Variants in RGS6 observed in about 807,000 individuals in gnomAD.
RGS6 encodes regulator of G protein signaling 6, also known as regulator of G-protein signaling 6.
RGS6 carries 30 observed loss-of-function variants against 78.5 expected under a neutral mutation model. The observed-to-expected ratio is 0.38, with a 90% CI of 0.29 to 0.52. RGS6 has a LOEUF of 0.52. RGS6 is among the 20% of genes least tolerant of loss of function. The pLI, the probability that RGS6 is intolerant of heterozygous loss-of-function variation, is 0.85. For synonymous variants in RGS6, 206 were observed against 206.0 expected, an observed-to-expected ratio of 1.00 and a Z score of 0.00; for missense variants, 495 against 609.7, an observed-to-expected ratio of 0.81 and a Z score of 1.98.
chr14:72,124,002 G>A (rs2190630), intron 2 of RGS6, among the ~76,000 whole-genome samples: 56,981 of 151,996 alleles, frequency 0.37, 11,597 homozygotes, highest in Non-Finnish European at 0.45. Context: ...CAGAGTATTC[G>A]AAGTCACAGT....
At chr14:72,384,290 A>T (rs1389226848) in intron 3 of RGS6, among the ~76,000 whole-genome samples, 1 of 152,182 alleles carries the variant, frequency 6.6e-6, no homozygotes. Flanking sequence ...TGCATTTGAA[A>T]ATTGTTAAAG....
At chr14:72,452,228 C>CTCTCTA (rs1326468186) in intron 3 of RGS6, among the ~76,000 whole-genome samples, 8 of 122,588 alleles carry the variant, frequency 6.5e-5, no homozygotes, top group Non-Finnish European at 1.5e-5. Context: ...TATTCATTCT[C>CTCTCTA]TCTCTCTCTC....
intron 2 of RGS6, among the ~76,000 whole-genome samples, chr14:72,232,823 G>A (rs1485083038): frequency 6.6e-6 from 1 of 152,238 alleles, no homozygotes; most frequent in African/African-American, 2.4e-5. Flanking sequence ...AGAGGGAACA[G>A]GTGCTGGGAT....
At chr14:72,217,327 C>T (rs1256843632) in intron 2 of RGS6, among the ~76,000 whole-genome samples, 2 of 152,202 alleles carry the variant, frequency 1.3e-5, no homozygotes, top group Admixed American at 6.5e-5. Flanking sequence ...ATTACAACCT[C>T]ATCAGTTGCA....
chr14:72,307,447 C>A (rs1227606925), intron 2 of RGS6, among the ~76,000 whole-genome samples: 3 of 151,950 alleles, frequency 2.0e-5, no homozygotes, highest in East Asian at 1.9e-4. Context: ...ATATTTGATT[C>A]ATCTGGAATC....
intron 13 of RGS6, among the ~76,000 whole-genome samples, chr14:72,500,427 G>T (rs1332050312): frequency 2.0e-5 from 3 of 152,304 alleles, no homozygotes; most frequent in African/African-American, 4.8e-5. Flanking sequence ...GCCAAGGGAT[G>T]GTTTCTGTCC....
At position 72,352,131 on chromosome 14, in the gene RGS6, A is replaced by G; in HGVS notation, c.121A>G (p.Thr41Ala). ...CATTACAAAGATGCAAGATGACAAG[A>G]CAGGGGGTGTGCCCATCAGAACAGT... is the stretch of plus-strand genomic sequence containing the variant. ...DIITKMQDDK[T>A]GGVPIRTVKS... is the part of the protein sequence containing the mutation. The change falls in exon 3 of 18, where the codon ACA (threonine) becomes GCA (alanine). Residue 41 changes from threonine (T) to alanine (A), a missense_variant. Physicochemically the swap from Thr to Ala is moderately conservative, Grantham distance 58. Transcript: ENST00000553525. The G allele has an allele frequency of 3.7e-6, 6 of 1,613,588 alleles. No individual in the cohort carries two copies. Among genetic ancestry groups the G allele is most frequent in the Non-Finnish European group, 5.1e-6 (6 of 1,179,772 alleles).
chr14:72,057,313 G>GAAAAAAAAAAAAAAAAAAA (rs71109718), intron 2 of RGS6, among the ~76,000 whole-genome samples: 1 of 56,174 alleles, frequency 1.8e-5, no homozygotes, highest in African/African-American at 7.4e-5. Context: ...GACTCTATCT[G>GAAAAAAAAAAAAAAAAAAA]AAAAAAAAAA....
At chr14:71,999,838 G>C (rs2083093188) in intron 2 of RGS6, among the ~76,000 whole-genome samples, 1 of 125,024 alleles carries the variant, frequency 8.0e-6, no homozygotes, top group African/African-American at 2.7e-5. Flanking sequence ...TTCCTGTACA[G>C]CCTGCAGTGC....
At chr14:72,390,669 C>G (rs1331770907) in intron 3 of RGS6, among the ~76,000 whole-genome samples, 1 of 152,022 alleles carries the variant, frequency 6.6e-6, no homozygotes, top group Non-Finnish European at 1.5e-5. Context: ...GGGGAAAAAA[C>G]CACTTACCAT....
chr14:72,437,218 G>A (rs1745736854), intron 3 of RGS6, among the ~76,000 whole-genome samples: 1 of 148,746 alleles, frequency 6.7e-6, no homozygotes, highest in East Asian at 2.0e-4. Context: ...GCGGGTGCCT[G>A]TAATCCCATC....
At chr14:72,292,190 T>C (rs146768571) in intron 2 of RGS6, among the ~76,000 whole-genome samples, 1 of 152,330 alleles carries the variant, frequency 6.6e-6, no homozygotes, top group East Asian at 1.9e-4. Context: ...ACATTTTATT[T>C]AATAAGCTAC....
intron 2 of RGS6, among the ~76,000 whole-genome samples, chr14:72,016,184 G>A (rs1229882663): frequency 2.0e-5 from 3 of 152,008 alleles, no homozygotes; most frequent in Non-Finnish European, 4.4e-5. Flanking sequence ...TTCAAATGTA[G>A]TGTTTCACAG....
intron 2 of RGS6, among the ~76,000 whole-genome samples, chr14:72,246,562 G>C (rs1444886846): frequency 2.0e-5 from 3 of 152,082 alleles, no homozygotes; most frequent in Non-Finnish European, 2.9e-5. Flanking sequence ...TTTAATAAAA[G>C]ACTATGTTTT....
chr14:72,211,727 A>G (rs2044221282), intron 2 of RGS6, among the ~76,000 whole-genome samples: 1 of 152,118 alleles, frequency 6.6e-6, no homozygotes, highest in African/African-American at 2.4e-5. Flanking sequence ...ACTGCAAAAT[A>G]CCCTATTTTT....
chr14:72,509,075 A>G (rs2096846648), intron 13 of RGS6, among the ~76,000 whole-genome samples: 1 of 152,158 alleles, frequency 6.6e-6, no homozygotes, highest in African/African-American at 2.4e-5. Context: ...GGCAGAATTA[A>G]GAACTGGGGC....
chr14:71,897,892 T>C, the RGS6 span, among the ~76,000 whole-genome samples: 1 of 152,046 alleles, frequency 6.6e-6, no homozygotes, highest in Non-Finnish European at 1.5e-5. Context: ...CTTAAACATT[T>C]TTTTTTTTTC....
the RGS6 span, among the ~76,000 whole-genome samples, chr14:71,921,770 G>GT: frequency 6.6e-6 from 1 of 152,144 alleles, no homozygotes; most frequent in Admixed American, 6.6e-5. Flanking sequence ...AGATACAACG[G>GT]TTTTTTAAAG....
At chr14:72,208,498 CA>C (rs1445162732) in intron 2 of RGS6, among the ~76,000 whole-genome samples, 2 of 152,164 alleles carry the variant, frequency 1.3e-5, no homozygotes, top group Non-Finnish European at 2.9e-5. Flanking sequence ...CATGTCTTAC[CA>C]ACATCATACC....
Sources: gnomAD v4.1 joint callset for allele counts (sites outside exome capture counted in the v4.1 genomes callset) on GRCh38, gnomAD v4.1.1 for gene constraint, MANE v1.5 for transcripts, NCBI Gene and HGNC (gene_info 2026-07-23, HGNC 2026-07-21) for gene names.